Variants in NPC1L1 observed in about 807,000 individuals in gnomAD.
The protein encoded by NPC1L1 is NPC1 like intracellular cholesterol transporter 1.
In NPC1L1, 98 loss-of-function variants were observed where a neutral mutation model predicts 117.0. The ratio of observed to expected loss-of-function variants is 0.84; its 90% CI spans 0.71 to 0.99. NPC1L1 has a LOEUF of 0.99. NPC1L1 is among the 50% of genes least tolerant of loss of function. The probability of loss-of-function intolerance (pLI) is 0.00; values close to 1 mark genes in which losing one functional copy is unlikely to be tolerated. For missense variants in NPC1L1, 1,540 were observed against 1,710.0 expected, an observed-to-expected ratio of 0.90 and a Z score of 1.75; for synonymous variants, 729 against 727.6, an observed-to-expected ratio of 1.00 and a Z score of -0.03.
rs112091856 is a variant in NPC1L1, at chr7:44,535,427, G to A, written c.1983+413C>T. 6.4e-3 allele frequency among the ~76,000 whole-genome samples: 972 copies of A among 152,020 alleles called. 9 individuals carry two copies. The highest frequency in any genetic ancestry group is 0.021 in the African/African-American group (879 of 41,434). On this transcript the variant is annotated intron_variant, in intron 5 of 18. Coordinates refer to ENST00000381160, the MANE Select transcript of NPC1L1 (RefSeq NM_001101648.2). The stretch of plus-strand genomic sequence containing the variant: ...GCCTATAGTCCCAACTACTTGGGAG[G>A]CTGAAGCAGGAGGATCACTTGTGCC...
In NPC1L1 at chr7:44,515,896, T is replaced by C; in HGVS notation, c.3703A>G (p.Ile1235Val). ...TTGAGGCGGAAGAAGAAGATCTGAA[T>C]GAGCTGGGCCTTGGCGAGGCCCAGG... ...LVLGLAKAQL[I>V]QIFFFRLNLL... The change falls in exon 18 of 19, where the codon ATT becomes GTT. Residue 1235 changes from isoleucine (I) to valine (V), a missense_variant. Around this residue, in one of 3 missense-constraint regions of NPC1L1, gnomAD observed 742 missense variants for 873.6 expected, o/e 0.85. Coordinates refer to ENST00000381160, the MANE Select transcript of NPC1L1 (RefSeq NM_001101648.2). 6.2e-7 allele frequency: 1 copy of C among 1,614,120 alleles called. No homozygotes were observed. Among genetic ancestry groups the C allele is most frequent in the Non-Finnish European group, 8.5e-7 (1 of 1,180,006 alleles).
chr7:44,536,373 G>T lies in NPC1L1; in HGVS notation c.1737C>A (p.Tyr579Ter), dbSNP rs1801892745. The change falls in exon 4 of 19, where the codon TAC becomes TAA. Residue 579 changes from tyrosine (Y) to a stop codon, truncating the protein, a stop_gained. Coordinates refer to ENST00000381160, the MANE Select transcript of NPC1L1 (RefSeq NM_001101648.2). LOFTEE classifies it high-confidence loss of function. This position sits in a 1 kb window ranked among gnomAD's most constrained non-coding sequence, Gnocchi z 4.7. Reference sequence around the variant, plus strand: ...GGGCCAGACGGGGGTCCCCGGCAGGGTAATTGTTGAGGGAGAACGTCATGA... The same window carrying T: ...GGGCCAGACGGGGGTCCCCGGCAGGTTAATTGTTGAGGGAGAACGTCATGA... ...ALIMTFSLNN[Y>*]PAGDPRLAQA... 1 of 1,614,054 alleles carries T rather than the reference G, an allele frequency of 6.2e-7. No homozygotes were observed. Among genetic ancestry groups the T allele is most frequent in the African/African-American group, 1.3e-5 (1 of 74,922 alleles).
intron 11 of NPC1L1, 58 bp from the exon 12 acceptor site, chr7:44,521,894 T>C: frequency 6.2e-7 from 1 of 1,611,314 alleles, no homozygotes. Flanking sequence ...GGTGGGTCCT[T>C]CTCGTGGCCC....
In NPC1L1 at chr7:44,536,107, T is replaced by C. The variant is rs1801880710; in HGVS notation, c.1855-139A>G. On this transcript the variant is annotated intron_variant, in intron 4 of 18. Coordinates refer to ENST00000381160, the MANE Select transcript of NPC1L1 (RefSeq NM_001101648.2). The surrounding 1 kb of genome is among the most constrained non-coding windows in gnomAD (Gnocchi z 4.7). ...CCCCCTATAATCGCAGGTGAGGCTA[T>C]AAGAACAGCCATCACAATCACCCCG... The C allele has an allele frequency of 1.3e-6, 2 of 1,539,136 alleles. No homozygotes were observed. Among genetic ancestry groups the C allele is most frequent in the East Asian group, 4.5e-5 (2 of 44,428 alleles).
At position 44,534,972 on chromosome 7, in the gene NPC1L1, A is replaced by G. The variant is rs1801826734; in HGVS notation, c.1984-343T>C. Among the ~76,000 whole-genome samples, 1 of 152,116 alleles carries G rather than the reference A, an allele frequency of 6.6e-6. No homozygotes were observed. Among genetic ancestry groups the G allele is most frequent in the Non-Finnish European group, 1.5e-5 (1 of 68,026 alleles). On this transcript the variant is annotated intron_variant, in intron 5 of 18. Coordinates refer to ENST00000381160, the MANE Select transcript of NPC1L1 (RefSeq NM_001101648.2). The surrounding 1 kb of genome is among the most constrained non-coding windows in gnomAD (Gnocchi z 5.2). ...TCTTAGGCCAGGTGTGCTGGCTCACACCTGTAATCTCAACATTTTGGGAGG... is the reference window on the plus strand; with the variant it reads ...TCTTAGGCCAGGTGTGCTGGCTCACGCCTGTAATCTCAACATTTTGGGAGG...
intron 5 of NPC1L1, among the ~76,000 whole-genome samples, chr7:44,535,406 A>G (rs1450555210): frequency 1.3e-5 from 2 of 151,712 alleles, no homozygotes; most frequent in Admixed American, 6.6e-5. Context: ...GCAAGTGCCT[A>G]TAGTCCCAAC....
Position 44,539,755 on chromosome 7 carries a change from G to T in NPC1L1, c.642C>A (p.Ala214=), listed in dbSNP as rs769185748. The T allele has an allele frequency of 1.9e-5, 31 of 1,614,012 alleles. No individual in the cohort carries two copies. Among genetic ancestry groups the T allele is most frequent in the Non-Finnish European group, 2.5e-5 (30 of 1,180,038 alleles). The change falls in exon 2 of 19, where the codon GCC becomes GCA. Residue 214 remains alanine, a synonymous_variant. Transcript: ENST00000381160. The surrounding 1 kb of genome is among the most constrained non-coding windows in gnomAD (Gnocchi z 4.4). ...NFQGDTGNGL[A]PLDITFHLLE... ...AGAGGTGGAAGGTGATGTCCAGTGG[G>T]GCCAGACCATTGCCTGTGTCTCCCT...
At position 44,540,322 on chromosome 7, in the gene NPC1L1, T is replaced by A; in HGVS notation, c.75A>T (p.Thr25=). The change falls in exon 2 of 19, where the codon ACA becomes ACT. Residue 25 remains threonine, a synonymous_variant. Coordinates refer to ENST00000381160, the MANE Select transcript of NPC1L1 (RefSeq NM_001101648.2). ...LLRLAQSEPY[T]TIHQPGYCAF... ...CGCAGTAGCCAGGCTGGTGGATGGT[T>A]GTGTAAGGCTCACTCTGGGCCTGCA... is the stretch of plus-strand genomic sequence containing the variant. The A allele has an allele frequency of 6.2e-7, 1 of 1,613,160 alleles. No homozygotes were observed. The highest frequency in any genetic ancestry group is 8.5e-7 in the Non-Finnish European group (1 of 1,179,988).
rs573070069 is a variant in NPC1L1 at position 44,517,132 on chromosome 7, A to G, written c.3287+75T>C. 9.0e-5 allele frequency: 144 copies of G among 1,598,918 alleles called. 1 individual carries two copies. In the South Asian group the frequency reaches 1.5e-3, roughly 17 times the overall value. On this transcript the variant is annotated intron_variant, in intron 15 of 18. Coordinates refer to ENST00000381160, the MANE Select transcript of NPC1L1 (RefSeq NM_001101648.2). ...GTCCTCATCTCATGCAACTCCTTGC[A>G]AGCCCTCCACCCTAACCTCCAGTCT...
intron 2 of NPC1L1, among the ~76,000 whole-genome samples, chr7:44,537,440 C>T (rs1801937013): frequency 6.6e-6 from 1 of 152,186 alleles, no homozygotes; most frequent in African/African-American, 2.4e-5. Context: ...CCCCGAAACC[C>T]TTTAGGTATT....
intron 10 of NPC1L1, among the ~76,000 whole-genome samples, chr7:44,526,556 A>AAAAAAAAAAAAAAAAAAAAAAC: frequency 6.6e-6 from 1 of 151,268 alleles, no homozygotes; most frequent in African/African-American, 2.4e-5. Context: ...CAAAAAAAAA[A>AAAAAAAAAAAAAAAAAAAAAAC]AAAAAAAACT....
intron 5 of NPC1L1, 148 bp downstream of exon 5, chr7:44,535,692 G>C (rs1019700214): frequency 1.0e-6 from 1 of 970,086 alleles, no homozygotes; most frequent in African/African-American, 1.6e-5. Context: ...CAGAACACTT[G>C]CAAGAGGTAT....
chr7:44,517,487 T>A, intron 14 of NPC1L1, 130 bp from the exon 15 acceptor site: 1 of 1,140,546 alleles, frequency 8.8e-7, no homozygotes, highest in South Asian at 1.3e-5. Context: ...GCCACCACCA[T>A]TTGAAATTCT....
At chr7:44,520,069 C>T (rs900157178) in intron 14 of NPC1L1, among the ~76,000 whole-genome samples, 2 of 152,130 alleles carry the variant, frequency 1.3e-5, no homozygotes, top group Non-Finnish European at 2.9e-5. Context: ...CACCTGAGGT[C>T]AGGAGTTTGA....
At chr7:44,531,933 C>T (rs760220629) in intron 9 of NPC1L1, 89 bp from the exon 10 acceptor site, 11 of 1,523,482 alleles carry the variant, frequency 7.2e-6, no homozygotes, top group Non-Finnish European at 9.8e-6. Flanking sequence ...GTGTCATGGG[C>T]AACATTCTGG....
chr7:44,540,222 ACAG>A lies in NPC1L1; in HGVS notation c.172_174del (p.Leu58del). 6.2e-7 allele frequency: 1 copy of A among 1,613,972 alleles called. No homozygotes were observed. Among genetic ancestry groups the A allele is most frequent in the Non-Finnish European group, 8.5e-7 (1 of 1,179,990 alleles). ...GTGATCTTGCGGGCCGGCGTGTTGGACAGGCAGGACACGTTGGAGAGTGTCATG... is the reference window on the plus strand; with the variant it reads ...GTGATCTTGCGGGCCGGCGTGTTGGAGCAGGACACGTTGGAGAGTGTCATG... On this transcript the variant is annotated inframe_deletion, in exon 2 of 19. Transcript: ENST00000381160.
chr7:44,516,209 G>C lies in NPC1L1; in HGVS notation c.3520-12C>G, dbSNP rs374482815. ...GACATGCCCACCGCCTATGGGCAGA[G>C]AGGGGGCATAAGCCAAGAAAGGCAG... is the stretch of plus-strand genomic sequence containing the variant. On this transcript the variant is annotated splice_polypyrimidine_tract_variant and intron_variant, in intron 16 of 18. Coordinates refer to ENST00000381160, the MANE Select transcript of NPC1L1 (RefSeq NM_001101648.2). The C allele has an allele frequency of 5.0e-6, 8 of 1,588,602 alleles. No homozygotes were observed. The highest frequency in any genetic ancestry group is 6.9e-6 in the Non-Finnish European group (8 of 1,166,252).
chr7:44,517,192 C>T lies in NPC1L1; in HGVS notation c.3287+15G>A, dbSNP rs776368888. The T allele has an allele frequency of 5.6e-6, 9 of 1,614,142 alleles. No individual in the cohort carries two copies. In the South Asian group the frequency reaches 9.9e-5, roughly 18 times the overall value. ...ATACCCCACCTCCCTCCAGCCCAGC[C>T]ACTCAGGTCCTCACGTGTAGGGGAA... is the stretch of plus-strand genomic sequence containing the variant. On this transcript the variant is annotated intron_variant, in intron 15 of 18. Transcript: ENST00000381160.
intron 10 of NPC1L1, among the ~76,000 whole-genome samples, chr7:44,529,140 C>T (rs1480145639): frequency 4.0e-5 from 6 of 149,398 alleles, no homozygotes; most frequent in Non-Finnish European, 5.9e-5. Context: ...CACACACACA[C>T]ACACACACAC....
Sources: allele counts gnomAD v4.1 joint callset (sites outside exome capture counted in the v4.1 genomes callset), GRCh38; gene constraint gnomAD v4.1.1; regional missense constraint gnomAD v4.1.1; non-coding constraint Gnocchi (gnomAD v3.1); transcripts MANE v1.5; gene names NCBI Gene and HGNC (gene_info 2026-07-23, HGNC 2026-07-21).